Variants in ARID5B observed in about 807,000 individuals in gnomAD.
ARID5B encodes the protein AT-rich interactive domain-containing protein 5B.
A neutral mutation model predicts 97.2 loss-of-function variants in ARID5B; 13 were observed. The ratio of observed to expected loss-of-function variants is 0.13; its 90% confidence interval spans 0.09 to 0.21. ARID5B has a LOEUF of 0.21. Among genes scored for constraint, ARID5B ranks in the 10% least tolerant of loss-of-function variants. The pLI is 1.00. For synonymous variants in ARID5B, 556 were observed against 570.3 expected (o/e 0.97, Z 0.36); for missense variants, 1,210 against 1,465.3 (o/e 0.83, Z 2.84).
intron 4 of ARID5B, among the ~76,000 whole-genome samples, chr10:62,021,218 A>G (rs2132891786): frequency 6.6e-6 from 1 of 152,062 alleles, no homozygotes; most frequent in African/African-American, 2.4e-5. Flanking sequence ...ATACATAGTT[A>G]TCGAAAATTG....
At chr10:61,942,045 G>A (rs549991816) in intron 3 of ARID5B, among the ~76,000 whole-genome samples, 1 of 152,164 alleles carries the variant, frequency 6.6e-6, no homozygotes, top group South Asian at 2.1e-4. Flanking sequence ...GGAATATACT[G>A]TTACTAATAA....
At chr10:61,912,709 CAT>C (rs1268755699) in intron 2 of ARID5B, among the ~76,000 whole-genome samples, 7 of 151,394 alleles carry the variant, frequency 4.6e-5, no homozygotes, top group Non-Finnish European at 8.8e-5. Context: ...CACACACACA[CAT>C]ACAGATAACT....
In ARID5B at chr10:62,091,298, A is replaced by T; in HGVS notation, c.1835A>T (p.Glu612Val). ...CCGCTGGCAAACCAGAATGAGACGG[A>T]GGATGACAAACTGCCCGCCATGGCA... is the stretch of plus-strand genomic sequence containing the variant. ...QPPLANQNET[E>V]DDKLPAMADY... is the part of the protein sequence containing the mutation. The change falls in exon 10 of 10, where the codon GAG becomes GTG. Residue 612 changes from glutamate (E) to valine (V), a missense_variant. Around this residue, in one of 8 missense-constraint regions of ARID5B, gnomAD observed 800 missense variants for 839.1 expected, o/e 0.95. Transcript: ENST00000279873. The T allele has an allele frequency of 6.2e-7, 1 of 1,613,908 alleles. No homozygotes were observed. Among genetic ancestry groups the T allele is most frequent in the South Asian group, 1.1e-5 (1 of 90,992 alleles).
At chr10:61,922,761 C>T (rs1209053410) in intron 2 of ARID5B, among the ~76,000 whole-genome samples, 1 of 152,174 alleles carries the variant, frequency 6.6e-6, no homozygotes, top group Non-Finnish European at 1.5e-5. Flanking sequence ...GTGAGCATCT[C>T]CTGGCCCTCC....
At chr10:61,967,141 A>G (rs1410453310) in intron 3 of ARID5B, among the ~76,000 whole-genome samples, 1 of 152,164 alleles carries the variant, frequency 6.6e-6, no homozygotes, top group Non-Finnish European at 1.5e-5. Context: ...ACTCACATAC[A>G]TTTGGATTAT....
chr10:62,031,677 C>T (rs1156636519), intron 4 of ARID5B, among the ~76,000 whole-genome samples: 1 of 152,076 alleles, frequency 6.6e-6, no homozygotes, highest in Non-Finnish European at 1.5e-5. Flanking sequence ...AGCAAAGACC[C>T]TAGCAGAAGA....
chr10:61,940,384 G>A lies in ARID5B; in HGVS notation c.478G>A (p.Val160Ile), dbSNP rs550591609. ...AAACAGTGGACTCAACTTCAAAGAC[G>A]TTCTCAAGGAGAAGGCAGACCTGGG... ...TLNSGLNFKD[V>I]LKEKADLGED... Residue 160 changes from valine to isoleucine, a missense_variant, in exon 3 of 10, where the codon GTT (valine) becomes ATT (isoleucine). Around this residue, in one of 8 missense-constraint regions of ARID5B, gnomAD observed 82 missense variants for 79.3 expected, o/e 1.03. Coordinates refer to ENST00000279873, the MANE Select transcript of ARID5B (RefSeq NM_032199.3). 2.9e-5 allele frequency: 46 copies of A among 1,613,742 alleles called. No homozygotes were observed. Among genetic ancestry groups the A allele is most frequent in the Admixed American group, 5.0e-5 (3 of 59,896 alleles).
At chr10:62,051,684 G>C (rs1292544514) in intron 5 of ARID5B, among the ~76,000 whole-genome samples, 1 of 152,116 alleles carries the variant, frequency 6.6e-6, no homozygotes, top group East Asian at 1.9e-4. Context: ...CACGACAAAG[G>C]GTAAAGTATC....
At chr10:62,090,815 C>G (rs977774185) in intron 9 of ARID5B, 47 bp from the exon 10 acceptor site, 18 of 1,518,350 alleles carry the variant, frequency 1.2e-5, no homozygotes, top group Non-Finnish European at 1.6e-5. Context: ...CAAAACATGT[C>G]TGTGTATTTG....
intron 3 of ARID5B, among the ~76,000 whole-genome samples, chr10:61,997,412 A>T (rs1218902954): frequency 6.6e-6 from 1 of 152,020 alleles, no homozygotes; most frequent in Non-Finnish European, 1.5e-5. Context: ...GAATGAAGGG[A>T]TATGAAGGAA....
rs1840367645 is a variant in ARID5B, at chr10:62,091,279, G to C, written c.1816G>C (p.Ala606Pro). The C allele has an allele frequency of 1.9e-6, 3 of 1,614,060 alleles. No homozygotes were observed. Among genetic ancestry groups the C allele is most frequent in the Non-Finnish European group, 2.5e-6 (3 of 1,180,024 alleles). The change falls in exon 10 of 10, where the codon GCA (alanine) becomes CCA (proline). Residue 606 changes from alanine (A) to proline (P), a missense_variant. By Grantham distance (27) the Ala-to-Pro change is conservative (BLOSUM62 -1). Coordinates refer to ENST00000279873, the MANE Select transcript of ARID5B (RefSeq NM_032199.3). ...PSFPTTQPPL[A>P]NQNETEDDKL... is the part of the protein sequence containing the mutation. ...CTTCCCCACCACACAGCCACCGCTG[G>C]CAAACCAGAATGAGACGGAGGATGA... is the stretch of plus-strand genomic sequence containing the variant.
At chr10:61,977,407 G>T (rs2132841104) in intron 3 of ARID5B, among the ~76,000 whole-genome samples, 1 of 152,294 alleles carries the variant, frequency 6.6e-6, no homozygotes, top group Admixed American at 6.5e-5. Context: ...GGTATTTCTA[G>T]TTCTAGATTC....
intron 4 of ARID5B, among the ~76,000 whole-genome samples, chr10:62,032,647 G>A (rs1391840376): frequency 6.6e-6 from 1 of 152,096 alleles, no homozygotes; most frequent in Non-Finnish European, 1.5e-5. Context: ...CCCAGGAGGT[G>A]GAGGTTGCAG....
At chr10:61,936,953 C>A (rs184291869) in intron 2 of ARID5B, among the ~76,000 whole-genome samples, 17 of 152,166 alleles carry the variant, frequency 1.1e-4, no homozygotes, top group African/African-American at 4.1e-4. Context: ...AATTTGAACC[C>A]AAGCAATCTG....
At chr10:61,920,472 A>T (rs2132769081) in intron 2 of ARID5B, among the ~76,000 whole-genome samples, 1 of 152,048 alleles carries the variant, frequency 6.6e-6, no homozygotes, top group East Asian at 1.9e-4. Flanking sequence ...AGCTGGGATT[A>T]CAGGCGTGTG....
chr10:61,994,914 G>A (rs190444580), intron 3 of ARID5B, among the ~76,000 whole-genome samples: 2 of 152,216 alleles, frequency 1.3e-5, no homozygotes, highest in East Asian at 3.9e-4. Flanking sequence ...TATTCCCTTT[G>A]AATGTTTCAT....
chr10:61,906,213 A>G (rs1408506633), intron 2 of ARID5B, among the ~76,000 whole-genome samples: 1 of 152,220 alleles, frequency 6.6e-6, no homozygotes, highest in Non-Finnish European at 1.5e-5. Context: ...TCTTAATTTT[A>G]TAAACAATAA....
At chr10:61,999,761 T>C (rs953049340) in intron 3 of ARID5B, among the ~76,000 whole-genome samples, 5 of 152,200 alleles carry the variant, frequency 3.3e-5, no homozygotes, top group African/African-American at 7.2e-5. Flanking sequence ...GAGGATGACT[T>C]TAATGCTTCA....
intron 3 of ARID5B, among the ~76,000 whole-genome samples, chr10:61,962,473 C>G (rs547046413): frequency 6.6e-6 from 1 of 152,186 alleles, no homozygotes; most frequent in African/African-American, 2.4e-5. Flanking sequence ...AATGACTCTA[C>G]GGGCACGTTG....
Sources: allele counts gnomAD v4.1 joint callset (sites outside exome capture counted in the v4.1 genomes callset), GRCh38; gene constraint gnomAD v4.1.1; regional missense constraint gnomAD v4.1.1; transcripts MANE v1.5; gene names NCBI Gene and HGNC (gene_info 2026-07-23, HGNC 2026-07-21).